Variants in DLGAP2 observed in about 807,000 individuals in gnomAD.
DLGAP2 encodes DLG associated protein 2, also known as disks large-associated protein 2.
Under a neutral mutation model 100.3 loss-of-function variants are expected in DLGAP2, and 26 were observed. The ratio of observed to expected loss-of-function variants is 0.26; its 90% CI spans 0.19 to 0.36. The LOEUF (loss-of-function observed/expected upper bound fraction) is 0.36, where lower values mean the gene tolerates loss of function less well. DLGAP2 is among the 10% of genes least tolerant of loss of function. The probability of loss-of-function intolerance (pLI) is 1.00; values close to 1 mark genes in which losing one functional copy is unlikely to be tolerated. For synonymous variants in DLGAP2, 886 were observed against 630.1 expected, an observed-to-expected ratio of 1.41 and a Z score of -6.08; for missense variants, 1,858 against 1,453.2, an observed-to-expected ratio of 1.28 and a Z score of -4.53.
intron 3 of DLGAP2, among the ~76,000 whole-genome samples, chr8:1,355,965 G>A (rs924372154): frequency 5.9e-5 from 9 of 152,066 alleles, no homozygotes; most frequent in Non-Finnish European, 1.0e-4. Context: ...AAGCACCGGT[G>A]GCCTCACCCA....
intron 1 of DLGAP2, among the ~76,000 whole-genome samples, chr8:842,077 A>G (rs1796993674): frequency 6.6e-6 from 1 of 152,156 alleles, no homozygotes; most frequent in Non-Finnish European, 1.5e-5. Flanking sequence ...ATATATTGGC[A>G]TTGTCAGAGC....
chr8:1,155,640 G>A (rs373707761), intron 2 of DLGAP2, among the ~76,000 whole-genome samples: 13 of 151,300 alleles, frequency 8.6e-5, no homozygotes, highest in African/African-American at 3.2e-4. Context: ...CGATGGGCGC[G>A]GTCTTTCCGG....
intron 1 of DLGAP2, among the ~76,000 whole-genome samples, chr8:840,874 C>A (rs1042365200): frequency 2.0e-5 from 3 of 152,206 alleles, no homozygotes; most frequent in Non-Finnish European, 4.4e-5. Flanking sequence ...TCAGCCTTGG[C>A]AGCTGGATCC....
At chr8:768,418 A>ATTTTTTTTTTTT (rs58234397) in intron 1 of DLGAP2, among the ~76,000 whole-genome samples, 1 of 99,960 alleles carries the variant, frequency 1.0e-5, no homozygotes, top group Non-Finnish European at 1.9e-5. Flanking sequence ...GAAGGCGTTG[A>ATTTTTTTTTTTT]TTTTTTTTTT....
chr8:1,590,059 C>A (rs1233064323), intron 6 of DLGAP2, among the ~76,000 whole-genome samples: 20 of 152,200 alleles, frequency 1.3e-4, no homozygotes, highest in Non-Finnish European at 4.4e-5. Context: ...CTCCTTCCGC[C>A]TCAGTGTCCG....
chr8:1,495,448 G>A (rs182975853), intron 3 of DLGAP2, among the ~76,000 whole-genome samples: 14 of 152,318 alleles, frequency 9.2e-5, no homozygotes, highest in Admixed American at 3.9e-4. Context: ...AGACTGAGCC[G>A]GCCAGGGCAG....
intron 6 of DLGAP2, among the ~76,000 whole-genome samples, chr8:1,602,128 G>A (rs748447124): frequency 7.9e-5 from 12 of 152,172 alleles, no homozygotes; most frequent in Non-Finnish European, 1.6e-4. Flanking sequence ...GAGAGAGTGA[G>A]TGAATGTATA....
At chr8:949,632 T>C (rs552438156) in intron 2 of DLGAP2, among the ~76,000 whole-genome samples, 10 of 152,286 alleles carry the variant, frequency 6.6e-5, no homozygotes, top group Non-Finnish European at 1.3e-4. Flanking sequence ...TCATTGTGGG[T>C]CACTCTTTTT....
chr8:827,897 CA>C (rs1451425655), intron 1 of DLGAP2, among the ~76,000 whole-genome samples: 12 of 152,090 alleles, frequency 7.9e-5, no homozygotes, highest in African/African-American at 2.9e-4. Context: ...GGACAGAGTA[CA>C]AAAGAGAGAA....
intron 1 of DLGAP2, among the ~76,000 whole-genome samples, chr8:817,747 C>A (rs535820764): frequency 2.0e-5 from 3 of 152,296 alleles, no homozygotes; most frequent in East Asian, 3.9e-4. Context: ...CTGGGTCCAG[C>A]CACCCGGTGG....
intron 1 of DLGAP2, among the ~76,000 whole-genome samples, chr8:882,007 G>T (rs909788501): frequency 2.0e-5 from 3 of 152,102 alleles, no homozygotes; most frequent in Non-Finnish European, 4.4e-5. Context: ...TTTCCAGAGG[G>T]CATAAGTGCT....
chr8:804,634 A>G, intron 1 of DLGAP2, among the ~76,000 whole-genome samples: 1 of 152,238 alleles, frequency 6.6e-6, no homozygotes, highest in East Asian at 1.9e-4. Flanking sequence ...TAGCATAAGA[A>G]AAAAGTTCAT....
At chr8:1,263,740 G>A (rs1799397144) in intron 3 of DLGAP2, among the ~76,000 whole-genome samples, 1 of 152,150 alleles carries the variant, frequency 6.6e-6, no homozygotes, top group African/African-American at 2.4e-5. Context: ...GAAGAGCTTA[G>A]AAATAACCCC....
intron 1 of DLGAP2, among the ~76,000 whole-genome samples, chr8:854,197 C>T (rs935521868): frequency 1.3e-5 from 2 of 152,162 alleles, no homozygotes; most frequent in African/African-American, 4.8e-5. Flanking sequence ...GAGGACTGCA[C>T]AGCAGAGGGG....
At chr8:779,468 T>TTC (rs532192347) in intron 1 of DLGAP2, among the ~76,000 whole-genome samples, 1 of 63,564 alleles carries the variant, frequency 1.6e-5, no homozygotes, top group African/African-American at 5.6e-5. Flanking sequence ...TCTTTCTTTC[T>TTC]TTTTTTTTTT....
intron 4 of DLGAP2, among the ~76,000 whole-genome samples, chr8:1,534,810 G>C (rs148208505): frequency 6.6e-6 from 1 of 152,180 alleles, no homozygotes; most frequent in Non-Finnish European, 1.5e-5. Flanking sequence ...GTGTGTGCGC[G>C]TGATGTGTGT....
intron 1 of DLGAP2, among the ~76,000 whole-genome samples, chr8:891,992 G>A (rs933990413): frequency 6.6e-6 from 1 of 152,250 alleles, no homozygotes; most frequent in Non-Finnish European, 1.5e-5. Context: ...GTGTGCATGA[G>A]TCAGTGCCGA....
intron 1 of DLGAP2, among the ~76,000 whole-genome samples, chr8:818,182 G>A (rs1331131686): frequency 6.6e-6 from 1 of 152,178 alleles, no homozygotes; most frequent in Non-Finnish European, 1.5e-5. Flanking sequence ...TGCAGCTGCT[G>A]TGGGGGATGG....
chr8:1,276,034 T>C lies in DLGAP2; in HGVS notation c.106+17151T>C, dbSNP rs191240011. ...GATATAGAATATATAAATAAATATATAACGTATAAAAATATATAATATATA... is the reference window on the plus strand; with the variant it reads ...GATATAGAATATATAAATAAATATACAACGTATAAAAATATATAATATATA... On this transcript the variant is annotated intron_variant, in intron 3 of 14. Transcript: ENST00000637795. 7.4e-3 allele frequency among the ~76,000 whole-genome samples: 1,000 copies of C among 135,534 alleles called. 10 individuals carry two copies. Among genetic ancestry groups the C allele is most frequent in the East Asian group, 0.057 (277 of 4,840 alleles). 88.9% of individuals were successfully genotyped at this position (135,534 alleles called of 152,430 possible). A position where few individuals can be genotyped will look rare whatever the true frequency, so the allele number is the denominator to read the frequency against.
Sources: gnomAD v4.1 joint callset for allele counts (sites outside exome capture counted in the v4.1 genomes callset) on GRCh38, gnomAD v4.1.1 for gene constraint, MANE v1.5 for transcripts, NCBI Gene and HGNC (gene_info 2026-07-23, HGNC 2026-07-21) for gene names.